CNTNAP5: variants seen among roughly 807,000 people sequenced by gnomAD.
CNTNAP5 encodes contactin associated protein family member 5, also known as contactin-associated protein-like 5.
In CNTNAP5, 72 loss-of-function variants were observed where a neutral mutation model predicts 150.2. The observed-to-expected ratio is 0.48, with a 90% confidence interval of 0.40 to 0.58. The LOEUF (loss-of-function observed/expected upper bound fraction) is 0.58. Ranked by LOEUF, CNTNAP5 falls within the 20% of genes least tolerant of loss-of-function variation. CNTNAP5 has a pLI of 0.00. For synonymous variants in CNTNAP5, 672 were observed against 619.8 expected, an observed-to-expected ratio of 1.08 and a Z score of -1.25; for missense variants, 1,636 against 1,626.2, an observed-to-expected ratio of 1.01 and a Z score of -0.10.
At chr2:124,423,815 C>A (rs1692176424) in intron 4 of CNTNAP5, among the ~76,000 whole-genome samples, 1 of 146,608 alleles carries the variant, frequency 6.8e-6, no homozygotes, top group Admixed American at 6.9e-5. Flanking sequence ...CAGGCGCCCG[C>A]TACCACGCCC....
chr2:124,830,182 T>A (rs1433280365), intron 19 of CNTNAP5, among the ~76,000 whole-genome samples: 1 of 151,976 alleles, frequency 6.6e-6, no homozygotes, highest in Non-Finnish European at 1.5e-5. Context: ...TTTAGAATTT[T>A]GATCTTTGGG....
intron 17 of CNTNAP5, among the ~76,000 whole-genome samples, chr2:124,776,876 C>A (rs979790390): frequency 1.3e-5 from 2 of 152,030 alleles, no homozygotes; most frequent in Non-Finnish European, 2.9e-5. Context: ...TTATATAAAT[C>A]TCTGATTATG....
At chr2:124,636,959 T>C (rs528246557) in intron 12 of CNTNAP5, among the ~76,000 whole-genome samples, 2 of 152,290 alleles carry the variant, frequency 1.3e-5, no homozygotes, top group Non-Finnish European at 2.9e-5. Context: ...TACGGAACCA[T>C]TTGAAAGTAA....
chr2:124,256,530 T>C (rs1308980915), intron 3 of CNTNAP5, among the ~76,000 whole-genome samples: 1 of 152,128 alleles, frequency 6.6e-6, no homozygotes, highest in African/African-American at 2.4e-5. Context: ...AAGGCAGTAC[T>C]GTAGAAACCC....
rs115104592 is a variant in CNTNAP5 at position 124,200,296 on chromosome 2, T to C, written c.83-21409T>C. 1.5e-3 allele frequency among the ~76,000 whole-genome samples: 225 copies of C among 152,338 alleles called. 1 individual carries two copies. The highest frequency in any genetic ancestry group is 5.1e-3 in the African/African-American group (212 of 41,578). ...AAGCCATGTTTTTTCATATTGAATATTGCTGAATTCTCTTTAGAATTTACT... is the reference window on the plus strand; with the variant it reads ...AAGCCATGTTTTTTCATATTGAATACTGCTGAATTCTCTTTAGAATTTACT... On this transcript the variant is annotated intron_variant, in intron 1 of 23. Transcript: ENST00000682447.
intron 3 of CNTNAP5, among the ~76,000 whole-genome samples, chr2:124,370,778 T>G (rs1404889976): frequency 1.3e-5 from 2 of 152,128 alleles, no homozygotes; most frequent in African/African-American, 4.8e-5. Flanking sequence ...TTCCTTCTTC[T>G]GATCTTAGGT....
chr2:124,591,295 A>G (rs958032464), intron 11 of CNTNAP5, among the ~76,000 whole-genome samples: 1 of 152,156 alleles, frequency 6.6e-6, no homozygotes, highest in Admixed American at 6.5e-5. Flanking sequence ...ATGACCTTCA[A>G]TGCTAATTTA....
At chr2:124,180,370 C>A (rs1468482608) in intron 1 of CNTNAP5, among the ~76,000 whole-genome samples, 2 of 152,110 alleles carry the variant, frequency 1.3e-5, no homozygotes, top group Non-Finnish European at 2.9e-5. Flanking sequence ...CTTATTTTTT[C>A]ATCATCATCA....
At chr2:124,669,166 T>C (rs1427384906) in intron 13 of CNTNAP5, among the ~76,000 whole-genome samples, 1 of 152,226 alleles carries the variant, frequency 6.6e-6, no homozygotes, top group Non-Finnish European at 1.5e-5. Flanking sequence ...AAAGATGTTA[T>C]GCAAATGGTA....
intron 3 of CNTNAP5, among the ~76,000 whole-genome samples, chr2:124,325,796 T>A (rs1689202039): frequency 6.6e-6 from 1 of 152,188 alleles, no homozygotes; most frequent in South Asian, 2.1e-4. Flanking sequence ...TAAATAGGAA[T>A]CTGTTTGCCT....
chr2:124,912,550 T>G (rs984766412), intron 23 of CNTNAP5, among the ~76,000 whole-genome samples: 8 of 152,100 alleles, frequency 5.3e-5, no homozygotes, highest in African/African-American at 1.9e-4. Flanking sequence ...AACCACGCCT[T>G]TCCTTAAGGA....
At chr2:124,438,093 A>G (rs1692580281) in intron 5 of CNTNAP5, among the ~76,000 whole-genome samples, 1 of 152,130 alleles carries the variant, frequency 6.6e-6, no homozygotes, top group South Asian at 2.1e-4. Context: ...TCCAATTTAC[A>G]TTACATAGTT....
chr2:124,847,574 C>A (rs529852330), intron 19 of CNTNAP5, among the ~76,000 whole-genome samples: 1 of 152,286 alleles, frequency 6.6e-6, no homozygotes, highest in African/African-American at 2.4e-5. Flanking sequence ...GACTTACAGG[C>A]TTTTGGTATC....
In CNTNAP5 at chr2:124,588,157, T is replaced by TC. The variant is rs59736295; in HGVS notation, c.1757-21644_1757-21643insC. Among the ~76,000 whole-genome samples, 8 of 79,282 alleles carry TC rather than the reference T, an allele frequency of 1.0e-4. 1 individual carries two copies. The East Asian group carries it at 1.1e-3, about 11-fold the overall frequency. The allele number at this position is 79,282 out of a possible 152,430, so 52.0% of individuals were successfully genotyped here. On this transcript the variant is annotated intron_variant, in intron 11 of 23. Transcript: ENST00000682447. The stretch of plus-strand genomic sequence containing the variant: ...TTCCTTCCTTCCTTCCTTCCTTCCT[T>TC]TTCCTTCCTTCCTTCCTTCCTTCTT...
intron 3 of CNTNAP5, among the ~76,000 whole-genome samples, chr2:124,318,917 C>T (rs1048156662): frequency 6.6e-6 from 1 of 152,178 alleles, no homozygotes; most frequent in Non-Finnish European, 1.5e-5. Context: ...CTCAACTCTC[C>T]AGGCAGTCTT....
chr2:124,899,581 C>T (rs1272230201), intron 21 of CNTNAP5, among the ~76,000 whole-genome samples: 1 of 151,456 alleles, frequency 6.6e-6, no homozygotes. Flanking sequence ...GACTTTTGAA[C>T]ATTGTAATTC....
intron 1 of CNTNAP5, among the ~76,000 whole-genome samples, chr2:124,055,857 A>G (rs761963234): frequency 1.3e-5 from 2 of 152,138 alleles, no homozygotes; most frequent in Non-Finnish European, 2.9e-5. Flanking sequence ...GACCTTCGTC[A>G]TCTTCCCCCC....
chr2:124,594,704 T>C (rs1291488218), intron 11 of CNTNAP5, among the ~76,000 whole-genome samples: 1 of 138,120 alleles, frequency 7.2e-6, no homozygotes, highest in Non-Finnish European at 1.6e-5. Context: ...GGCAATGGCA[T>C]TGAATCTGTA....
At chr2:124,137,796 C>T (rs902012348) in intron 1 of CNTNAP5, among the ~76,000 whole-genome samples, 7 of 151,704 alleles carry the variant, frequency 4.6e-5, no homozygotes, top group African/African-American at 1.7e-4. Flanking sequence ...AGTCGGTGGT[C>T]GCTGTGGAGA....
Sources: gnomAD v4.1 joint callset for allele counts (sites outside exome capture counted in the v4.1 genomes callset) on GRCh38, gnomAD v4.1.1 for gene constraint, MANE v1.5 for transcripts, NCBI Gene and HGNC (gene_info 2026-07-23, HGNC 2026-07-21) for gene names.